DOCK3: variants seen among roughly 807,000 people sequenced by gnomAD.
DOCK3 encodes dedicator of cytokinesis 3.
DOCK3 carries 60 observed loss-of-function variants against 265.6 expected under a neutral mutation model. That is an observed-to-expected ratio of 0.23 (90% CI 0.18 to 0.28). The LOEUF is 0.28. Ranked by LOEUF, DOCK3 falls within the 10% of genes least tolerant of loss-of-function variation. The pLI, the probability that DOCK3 is intolerant of heterozygous loss-of-function variation, is 1.00. For missense variants in DOCK3, 1,981 were observed against 2,594.3 expected, an observed-to-expected ratio of 0.76 and a Z score of 5.14; for synonymous variants, 881 against 938.0, an observed-to-expected ratio of 0.94 and a Z score of 1.11.
chr3:50,818,030 C>T (rs2061388), intron 2 of DOCK3, among the ~76,000 whole-genome samples: 14,365 of 152,240 alleles, frequency 0.094, 839 homozygotes, highest in Non-Finnish European at 0.12. Context: ...CCAGTAGGAA[C>T]AGGGGTTGGA....
intron 1 of DOCK3, among the ~76,000 whole-genome samples, chr3:50,764,501 C>T (rs1180530882): frequency 6.6e-6 from 1 of 152,036 alleles, no homozygotes; most frequent in Non-Finnish European, 1.5e-5. Context: ...ACTTGAGCAT[C>T]CATGGATTTT....
chr3:50,989,392 G>A (rs2078023685), intron 5 of DOCK3, among the ~76,000 whole-genome samples: 1 of 152,286 alleles, frequency 6.6e-6, no homozygotes, highest in Admixed American at 6.5e-5. Flanking sequence ...TCAGGGGGGA[G>A]AGGAACCCAT....
chr3:50,725,145 CT>C (rs1339945561), intron 1 of DOCK3, among the ~76,000 whole-genome samples: 1 of 152,102 alleles, frequency 6.6e-6, no homozygotes, highest in Non-Finnish European at 1.5e-5. Flanking sequence ...TAAAAGGCAT[CT>C]TATGAAAGCA....
intron 3 of DOCK3, among the ~76,000 whole-genome samples, chr3:50,882,524 C>T (rs1045471924): frequency 2.0e-5 from 3 of 152,142 alleles, no homozygotes; most frequent in Non-Finnish European, 2.9e-5. Context: ...AAATGCTCAT[C>T]ATCACTGGCC....
intron 22 of DOCK3, among the ~76,000 whole-genome samples, chr3:51,256,293 G>A (rs935800781): frequency 7.2e-5 from 11 of 152,182 alleles, no homozygotes; most frequent in African/African-American, 2.7e-4. Flanking sequence ...TTGAGACACA[G>A]TCTCACTTAC....
chr3:50,831,190 TTTATTTATTTATTTA>T (rs1559697329), intron 2 of DOCK3, among the ~76,000 whole-genome samples: 8 of 127,530 alleles, frequency 6.3e-5, no homozygotes, highest in African/African-American at 1.4e-4. Context: ...ACCTGTTTTA[TTTATTTATTTATTTA>T]TTTATTTATT....
intron 1 of DOCK3, among the ~76,000 whole-genome samples, chr3:50,681,948 A>T (rs569956454): frequency 6.6e-6 from 1 of 152,282 alleles, no homozygotes; most frequent in East Asian, 1.9e-4. Context: ...TGCCCTCACC[A>T]CTTTTTGGGA....
intron 5 of DOCK3, among the ~76,000 whole-genome samples, chr3:50,992,229 T>G (rs1035654352): frequency 1.3e-5 from 2 of 152,190 alleles, no homozygotes; most frequent in Non-Finnish European, 2.9e-5. Flanking sequence ...AGATGAGAGA[T>G]AACAAAAATC....
chr3:50,930,491 C>T (rs1295859553), intron 4 of DOCK3, among the ~76,000 whole-genome samples: 4 of 152,196 alleles, frequency 2.6e-5, no homozygotes, highest in Admixed American at 2.0e-4. Context: ...GCTACCTGCT[C>T]CTGGCCCCCT....
chr3:51,055,915 T>G (rs368850146), intron 5 of DOCK3, among the ~76,000 whole-genome samples: 1 of 152,248 alleles, frequency 6.6e-6, no homozygotes, highest in African/African-American at 2.4e-5. Context: ...ATATCAACTC[T>G]ATAATGGAGG....
intron 19 of DOCK3, among the ~76,000 whole-genome samples, chr3:51,230,258 A>G (rs1576473208): frequency 1.3e-5 from 2 of 152,032 alleles, no homozygotes; most frequent in African/African-American, 4.8e-5. Context: ...CAGTTTTTCA[A>G]CCCTTGTCCC....
chr3:50,805,832 T>G (rs1366634530), intron 2 of DOCK3, among the ~76,000 whole-genome samples: 1 of 152,076 alleles, frequency 6.6e-6, no homozygotes, highest in Non-Finnish European at 1.5e-5. Context: ...CTCTGGCTTA[T>G]GTTGTGGATG....
intron 10 of DOCK3, among the ~76,000 whole-genome samples, chr3:51,156,903 T>G (rs2107478586): frequency 6.6e-6 from 1 of 152,338 alleles, no homozygotes; most frequent in South Asian, 2.1e-4. Flanking sequence ...TTGAAATGTG[T>G]TGAACATTTC....
intron 5 of DOCK3, among the ~76,000 whole-genome samples, chr3:51,044,779 G>A (rs1437749461): frequency 6.6e-6 from 1 of 152,036 alleles, no homozygotes; most frequent in East Asian, 1.9e-4. Flanking sequence ...TTTATGTTGT[G>A]GAGATACCAT....
At chr3:50,854,172 T>A (rs1157793004) in intron 3 of DOCK3, among the ~76,000 whole-genome samples, 1 of 152,140 alleles carries the variant, frequency 6.6e-6, no homozygotes, top group Non-Finnish European at 1.5e-5. Context: ...TGTAATTTTC[T>A]TGTTGATTTA....
chr3:50,750,911 C>A (rs1489534835), intron 1 of DOCK3, among the ~76,000 whole-genome samples: 2 of 152,066 alleles, frequency 1.3e-5, no homozygotes. Flanking sequence ...CTTTGCAAAG[C>A]CAAACAAATT....
intron 18 of DOCK3, 48 bp from the exon 19 acceptor site, chr3:51,229,461 AAAG>A: frequency 7.2e-7 from 1 of 1,394,812 alleles, no homozygotes; most frequent in Non-Finnish European, 9.7e-7. Context: ...AAAAAAAAAA[AAAG>A]AATATCCAGG....
chr3:51,029,031 C>A (rs928564737), intron 5 of DOCK3, among the ~76,000 whole-genome samples: 6 of 152,038 alleles, frequency 3.9e-5, no homozygotes, highest in African/African-American at 1.4e-4. Flanking sequence ...TCTGAGAGAG[C>A]TGATGTTTCT....
chr3:50,910,667 T>C (rs1330410119), intron 4 of DOCK3, among the ~76,000 whole-genome samples: 2 of 152,166 alleles, frequency 1.3e-5, no homozygotes, highest in East Asian at 3.8e-4. Flanking sequence ...CCTTGTGTTA[T>C]GTTCTGCTGT....
Sources: gnomAD v4.1 joint callset for allele counts (sites outside exome capture counted in the v4.1 genomes callset) on GRCh38, gnomAD v4.1.1 for gene constraint, MANE v1.5 for transcripts, NCBI Gene and HGNC (gene_info 2026-07-23, HGNC 2026-07-21) for gene names.